The following PAK3 variants were observed in gnomAD, a reference collection of about 807,000 sequenced individuals.
The protein encoded by PAK3 is p21 (RAC1) activated kinase 3, also known as serine/threonine-protein kinase PAK 3.
A neutral mutation model predicts 41.0 loss-of-function variants in PAK3; 4 were observed. That is an observed-to-expected ratio of 0.10 (90% CI 0.05 to 0.22). The LOEUF is 0.22. Among genes scored for constraint, PAK3 ranks in the 10% least tolerant of loss-of-function variants. The pLI, the probability that PAK3 is intolerant of heterozygous loss-of-function variation, is 1.00. For missense variants in PAK3, 205 were observed against 409.9 expected (o/e 0.50, Z 4.32); for synonymous variants, 146 against 139.6 (o/e 1.05, Z -0.32).
chrX:111,202,528 C>A (rs1333215076), intron 16 of PAK3, among the ~76,000 whole-genome samples: 1 of 111,980 alleles, frequency 8.9e-6, no homozygotes, highest in East Asian at 2.8e-4. Context: ...AAAAATCTAA[C>A]TTTCCCTGTG....
At chrX:111,185,738 T>C (rs1382034593) in intron 11 of PAK3, among the ~76,000 whole-genome samples, 1 of 111,405 alleles carries the variant, frequency 9.0e-6, no homozygotes, top group Non-Finnish European at 1.9e-5. Context: ...TCTGTTTTGG[T>C]ACCAGTACCA....
intron 11 of PAK3, among the ~76,000 whole-genome samples, chrX:111,177,626 G>A (rs1020951296): frequency 8.9e-6 from 1 of 111,860 alleles, no homozygotes. Context: ...TATATCCGGT[G>A]CGCACTTGAG....
intron 1 of PAK3, among the ~76,000 whole-genome samples, chrX:110,970,189 C>G: frequency 1.8e-5 from 2 of 111,985 alleles, no homozygotes. Context: ...TGTTTGTTGG[C>G]CACATAAATA....
chrX:111,078,232 T>C (rs1287536572), intron 1 of PAK3, among the ~76,000 whole-genome samples: 1 of 110,479 alleles, frequency 9.1e-6, no homozygotes, highest in African/African-American at 3.3e-5. Flanking sequence ...TGTTTAATTG[T>C]GCTTTGCAGC....
chrX:111,112,379 C>A (rs1450628535), intron 4 of PAK3, among the ~76,000 whole-genome samples: 1 of 110,166 alleles, frequency 9.1e-6, no homozygotes, highest in Non-Finnish European at 1.9e-5. Context: ...GAGTCTCTGT[C>A]TCTGTCCTTC....
chrX:110,981,011 T>C (rs1393015343), intron 1 of PAK3, among the ~76,000 whole-genome samples: 1 of 111,824 alleles, frequency 8.9e-6, no homozygotes, highest in African/African-American at 3.3e-5. Flanking sequence ...TTTCTATCAC[T>C]CGTCTTAGGG....
chrX:111,136,898 A>G (rs1182382411), intron 5 of PAK3, among the ~76,000 whole-genome samples: 2 of 111,955 alleles, frequency 1.8e-5, no homozygotes, highest in Admixed American at 9.5e-5. Context: ...ATGGAACTCT[A>G]CAGGTTATTC....
intron 5 of PAK3, among the ~76,000 whole-genome samples, chrX:111,131,038 A>G (rs1182531914): frequency 8.9e-6 from 1 of 111,854 alleles, no homozygotes; most frequent in Non-Finnish European, 1.9e-5. Flanking sequence ...TACTGCTTAC[A>G]TAAAATGAGA....
chrX:111,191,950 C>T (rs1279469475), intron 11 of PAK3, among the ~76,000 whole-genome samples, 177 bp from the exon 12 acceptor site: 1 of 110,281 alleles, frequency 9.1e-6, no homozygotes, highest in Non-Finnish European at 1.9e-5. Context: ...GAGGGTAGAT[C>T]GCCTGTGTTT....
chrX:111,220,743 A>G lies in PAK3; in HGVS notation c.*296A>G. The G allele has an allele frequency of 3.2e-6, 1 of 315,504 alleles. No homozygotes were observed. The highest frequency in any genetic ancestry group is 5.6e-6 in the Non-Finnish European group (1 of 178,688). 26.0% of individuals were successfully genotyped at this position (315,504 alleles called of 1,213,427 possible). A position where few individuals can be genotyped will look rare whatever the true frequency, so the allele number is the denominator to read the frequency against. On this transcript the variant is annotated 3_prime_UTR_variant, in exon 18 of 18. Coordinates refer to ENST00000372007, the MANE Select transcript of PAK3 (RefSeq NM_002578.5). ...CTCATTTTGTGCATTCACTTTGAAG[A>G]AAAAGGTTTCTCAAAGATGCACACT...
chrX:111,181,810 T>C (rs1454716019), intron 11 of PAK3, among the ~76,000 whole-genome samples: 2 of 109,243 alleles, frequency 1.8e-5, no homozygotes, highest in African/African-American at 6.7e-5. Context: ...AGTGATTCTT[T>C]GGGTAGGACC....
At chrX:111,216,829 C>T in intron 17 of PAK3, 4 of 437,972 alleles carry the variant, frequency 9.1e-6, no homozygotes, top group Non-Finnish European at 1.1e-5. Context: ...CAATGTGACC[C>T]TCTGGTGTTG....
intron 5 of PAK3, among the ~76,000 whole-genome samples, chrX:111,134,141 G>A (rs1254797517): frequency 9.0e-6 from 1 of 111,678 alleles, no homozygotes; most frequent in Non-Finnish European, 1.9e-5. Context: ...CACCATCCAG[G>A]GATTTCATCT....
intron 3 of PAK3, among the ~76,000 whole-genome samples, chrX:111,101,284 G>A (rs2093132422): frequency 9.0e-6 from 1 of 111,715 alleles, no homozygotes; most frequent in Non-Finnish European, 1.9e-5. Flanking sequence ...ATCTCCCCTT[G>A]CCCTACTCTC....
At chrX:111,127,443 G>GA (rs1226015480) in intron 5 of PAK3, among the ~76,000 whole-genome samples, 103 of 100,932 alleles carry the variant, frequency 1.0e-3, no homozygotes, top group Admixed American at 3.3e-3. Context: ...ACAGGTAGAA[G>GA]AAAAAAAAAA....
chrX:111,043,201 G>A (rs2092468265), intron 1 of PAK3, among the ~76,000 whole-genome samples: 1 of 110,144 alleles, frequency 9.1e-6, no homozygotes, highest in Admixed American at 9.7e-5. Flanking sequence ...AGCTGAGGCA[G>A]GAGGATTGCT....
At chrX:111,059,541 G>A (rs2092637425) in intron 1 of PAK3, among the ~76,000 whole-genome samples, 1 of 111,360 alleles carries the variant, frequency 9.0e-6, no homozygotes, top group African/African-American at 3.3e-5. Flanking sequence ...GTGTTGCCAT[G>A]TTAATGTTAA....
upstream of PAK3, among the ~76,000 whole-genome samples, chrX:111,091,374 G>T (rs970498909): frequency 4.5e-5 from 5 of 111,590 alleles, no homozygotes; most frequent in African/African-American, 1.6e-4. Flanking sequence ...TGTTAAATCT[G>T]CTTTTGTTCC....
chrX:111,076,654 A>G (rs1408255133), intron 1 of PAK3, among the ~76,000 whole-genome samples: 5 of 112,039 alleles, frequency 4.5e-5, no homozygotes, highest in African/African-American at 1.6e-4. Flanking sequence ...CAAGTGAACT[A>G]ACACAGAAGG....
Sources: gnomAD v4.1 joint callset for allele counts (sites outside exome capture counted in the v4.1 genomes callset) on GRCh38, gnomAD v4.1.1 for gene constraint, MANE v1.5 for transcripts, NCBI Gene and HGNC (gene_info 2026-07-23, HGNC 2026-07-21) for gene names.